WNT2B: variants seen among roughly 807,000 people sequenced by gnomAD.
The protein encoded by WNT2B is Wnt family member 2B.
A neutral mutation model predicts 40.5 loss-of-function variants in WNT2B; 19 were observed. The ratio of observed to expected loss-of-function variants is 0.47; its 90% CI spans 0.33 to 0.69. The LOEUF (loss-of-function observed/expected upper bound fraction) is 0.69. Among genes scored for constraint, WNT2B ranks in the 30% least tolerant of loss-of-function variants. The pLI, the probability that WNT2B is intolerant of heterozygous loss-of-function variation, is 0.02. For synonymous variants in WNT2B, 220 were observed against 211.9 expected (o/e 1.04, Z -0.33); for missense variants, 467 against 556.4 (o/e 0.84, Z 1.62).
intron 1 of WNT2B, among the ~76,000 whole-genome samples, chr1:112,488,640 C>A (rs1651496698): frequency 6.6e-6 from 1 of 151,744 alleles, no homozygotes; most frequent in Admixed American, 6.6e-5. Context: ...CAAGCTCCAC[C>A]ACCCGGGTTC....
chr1:112,487,528 T>G (rs1403144320), intron 1 of WNT2B, among the ~76,000 whole-genome samples: 1 of 152,222 alleles, frequency 6.6e-6, no homozygotes, highest in East Asian at 1.9e-4. Flanking sequence ...CAAAATCATC[T>G]AACACAATCC....
intron 1 of WNT2B, among the ~76,000 whole-genome samples, chr1:112,479,650 G>A (rs1002078973): frequency 5.9e-5 from 9 of 152,118 alleles, no homozygotes; most frequent in African/African-American, 2.2e-4. Flanking sequence ...GTGTGCAGGG[G>A]TGCAGGGATG....
At chr1:112,472,760 T>G (rs540315692) in intron 1 of WNT2B, among the ~76,000 whole-genome samples, 1 of 151,566 alleles carries the variant, frequency 6.6e-6, no homozygotes, top group African/African-American at 2.4e-5. Flanking sequence ...TCCTTGAAAA[T>G]TACTTCAGGG....
chr1:112,523,781 T>C lies in WNT2B; in HGVS notation c.*3272T>C, dbSNP rs770880834. ...TACAAACTTAAAACATACTATATATTTTAAGGATCTAAGAATCCTTTAGAG... is the reference window on the plus strand; with the variant it reads ...TACAAACTTAAAACATACTATATATCTTAAGGATCTAAGAATCCTTTAGAG... On this transcript the variant is annotated 3_prime_UTR_variant, in exon 5 of 5. Coordinates refer to ENST00000369684, the MANE Select transcript of WNT2B (RefSeq NM_024494.3). The C allele has an allele frequency of 1.4e-4, 22 of 152,174 alleles. No homozygotes were observed. The highest frequency in any genetic ancestry group is 2.5e-4 in the Non-Finnish European group (17 of 68,034). The allele number at this position is 152,174 out of a possible 1,614,324, so 9.4% of individuals were successfully genotyped here.
intron 1 of WNT2B, among the ~76,000 whole-genome samples, chr1:112,502,019 G>A (rs1025188337): frequency 2.6e-5 from 4 of 152,240 alleles, no homozygotes; most frequent in Non-Finnish European, 5.9e-5. Context: ...AGGGCGAGTC[G>A]CCCACCCGCG....
intron 1 of WNT2B, among the ~76,000 whole-genome samples, chr1:112,493,225 A>G (rs900712860): frequency 2.6e-5 from 4 of 152,224 alleles, no homozygotes; most frequent in Non-Finnish European, 5.9e-5. Context: ...CTGCTCCATC[A>G]ATAGCACTAC....
intron 1 of WNT2B, among the ~76,000 whole-genome samples, chr1:112,493,951 A>C (rs1470746061): frequency 6.6e-6 from 1 of 152,102 alleles, no homozygotes; most frequent in Non-Finnish European, 1.5e-5. Context: ...AAAAAAAAAA[A>C]AACGATATTG....
intron 1 of WNT2B, among the ~76,000 whole-genome samples, chr1:112,503,487 G>A (rs1054573141): frequency 6.6e-6 from 1 of 152,076 alleles, no homozygotes; most frequent in Non-Finnish European, 1.5e-5. Flanking sequence ...AGAGAGAGAC[G>A]AAGACAGAAG....
chr1:112,509,482 G>A lies in WNT2B; in HGVS notation c.182+38G>A, dbSNP rs201401603. The A allele has an allele frequency of 6.5e-7, 1 of 1,531,998 alleles. No individual in the cohort carries two copies. Among genetic ancestry groups the A allele is most frequent in the East Asian group, 2.5e-5 (1 of 39,320 alleles). The allele number at this position is 1,531,998 out of a possible 1,614,324, so 94.9% of individuals were successfully genotyped here. On this transcript the variant is annotated intron_variant, in intron 1 of 4. Transcript: ENST00000369684. This position sits in a 1 kb window ranked among gnomAD's most constrained non-coding sequence, Gnocchi z 4.2. ...CTCAGGCTGGGCGGGTGAGGCGCTT[G>A]GTAGGAGAGGCCGGAGGCGCCTGGA...
intron 1 of WNT2B, among the ~76,000 whole-genome samples, chr1:112,501,299 A>C (rs1225410628): frequency 6.6e-6 from 1 of 152,164 alleles, no homozygotes; most frequent in African/African-American, 2.4e-5. Flanking sequence ...TTGATCACCC[A>C]GTGAGGTTGT....
chr1:112,493,349 A>G (rs1651659510), intron 1 of WNT2B, among the ~76,000 whole-genome samples: 1 of 152,216 alleles, frequency 6.6e-6, no homozygotes, highest in Non-Finnish European at 1.5e-5. Flanking sequence ...GCAGCTAGAC[A>G]TGATGGCTCA....
chr1:112,484,272 C>T (rs12037078), intron 1 of WNT2B, among the ~76,000 whole-genome samples: 2 of 123,284 alleles, frequency 1.6e-5, no homozygotes, highest in Non-Finnish European at 3.2e-5. Context: ...TATATATACA[C>T]ATATATATAT....
intron 3 of WNT2B, 84 bp downstream of exon 3, chr1:112,516,501 AT>A (rs1348476995): frequency 6.6e-7 from 1 of 1,513,202 alleles, no homozygotes; most frequent in Non-Finnish European, 8.9e-7. Context: ...AAATGTGAAG[AT>A]GGAAGAGCTG....
At chr1:112,504,945 A>C (rs1371912969), upstream of WNT2B, among the ~76,000 whole-genome samples, 1 of 152,198 alleles carries the variant, frequency 6.6e-6, no homozygotes, top group Admixed American at 6.5e-5. Flanking sequence ...AGCTCCCCTT[A>C]GCTCATCTCC....
chr1:112,498,599 A>G (rs1239292527), intron 1 of WNT2B, among the ~76,000 whole-genome samples: 3 of 151,792 alleles, frequency 2.0e-5, no homozygotes, highest in Non-Finnish European at 2.9e-5. Context: ...GCCTTCCACT[A>G]AATTCTAGGA....
chr1:112,510,729 G>A (rs1218813654), intron 1 of WNT2B, among the ~76,000 whole-genome samples: 1 of 151,844 alleles, frequency 6.6e-6, no homozygotes, highest in Non-Finnish European at 1.5e-5. Flanking sequence ...TGCAGTGTTG[G>A]GGAAGGCAAG....
At chr1:112,482,832 T>C (rs1651269173) in intron 1 of WNT2B, among the ~76,000 whole-genome samples, 4 of 152,156 alleles carry the variant, frequency 2.6e-5, no homozygotes, top group Admixed American at 2.0e-4. Context: ...TGTCCATAGA[T>C]TGAAAAAATA....
rs1651930362 is a variant in WNT2B, at chr1:112,500,926, C to T, written c.-94-13948C>T. Reference sequence around the variant, plus strand: ...TGGTACAGTTGTCACAACAGTGGACCAATACTAATATATTATTATTAATTA... The same window carrying T: ...TGGTACAGTTGTCACAACAGTGGACTAATACTAATATATTATTATTAATTA... On this transcript the variant is annotated intron_variant, in intron 1 of 4. Transcript: ENST00000256640. Among the ~76,000 whole-genome samples, 3 of 152,242 alleles carry T rather than the reference C, an allele frequency of 2.0e-5. No homozygotes were observed. The South Asian group carries it at 6.2e-4, about 32-fold the overall frequency.
chr1:112,526,100 G>C lies in WNT2B; in HGVS notation c.*5591G>C, dbSNP rs114685215. On this transcript the variant is annotated 3_prime_UTR_variant, in exon 5 of 5. Coordinates refer to ENST00000369684, the MANE Select transcript of WNT2B (RefSeq NM_024494.3). ...AGGATGCCCAGGGTTGGGGGCACCA[G>C]AGTCCCAGCACCTTCAAAACAGAAA... The C allele has an allele frequency of 6.7e-3, 10,878 of 1,614,136 alleles. 54 individuals carry two copies. The highest frequency in any genetic ancestry group is 8.2e-3 in the Non-Finnish European group (9,638 of 1,180,008).
Sources: allele counts gnomAD v4.1 joint callset (sites outside exome capture counted in the v4.1 genomes callset), GRCh38; gene constraint gnomAD v4.1.1; non-coding constraint Gnocchi (gnomAD v3.1); transcripts MANE v1.5; gene names NCBI Gene and HGNC (gene_info 2026-07-23, HGNC 2026-07-21).